Variants in VCAN observed in about 807,000 individuals in gnomAD.
VCAN encodes the protein versican core protein.
VCAN carries 44 observed loss-of-function variants against 245.5 expected under a neutral mutation model. That is an observed-to-expected ratio of 0.18 (90% CI 0.14 to 0.23). The LOEUF is 0.23. VCAN is among the 10% of genes least tolerant of loss of function. The probability of loss-of-function intolerance (pLI) is 1.00; values close to 1 mark genes in which losing one functional copy is unlikely to be tolerated. For synonymous variants in VCAN, 1,413 were observed against 1,437.0 expected (o/e 0.98, Z 0.38); for missense variants, 3,793 against 4,057.9 (o/e 0.93, Z 1.77).
chr5:83,490,345 T>A lies in VCAN; in HGVS notation c.318T>A (p.His106Gln). ...AAGGGAGAGTGTCTGTGCCCACACA[T>A]CCCGAGGCTGTGGGCGATGCCTCCC... ...DYKGRVSVPTHPEAVGDASLT... is the reference protein window; with the variant it reads ...DYKGRVSVPTQPEAVGDASLT... The change falls in exon 3 of 15, where the codon CAT becomes CAA. Residue 106 changes from histidine to glutamine, a missense_variant. By Grantham distance (24) the His-to-Gln change is conservative. Around this residue, in one of 5 missense-constraint regions of VCAN, gnomAD observed 179 missense variants for 169.7 expected, o/e 1.05. Coordinates refer to ENST00000265077, the MANE Select transcript of VCAN (RefSeq NM_004385.5). 4 of 1,614,164 alleles carry A rather than the reference T, an allele frequency of 2.5e-6. No individual in the cohort carries two copies. The highest frequency in any genetic ancestry group is 3.4e-6 in the Non-Finnish European group (4 of 1,180,034).
chr5:83,539,649 A>C lies in VCAN; in HGVS notation c.6646A>C (p.Ile2216Leu), dbSNP rs1061380. 6.2e-7 allele frequency: 1 copy of C among 1,613,988 alleles called. No individual in the cohort carries two copies. ...FLATALVTES[I>L]PAEHVVTDSP... ...AGCTACTGCATTAGTAACTGAATCT[A>C]TACCAGCTGAACATGTAGTCACAGA... The change falls in exon 8 of 15, where the codon ATA becomes CTA. Residue 2216 changes from isoleucine (I) to leucine (L), a missense_variant. Transcript: ENST00000265077.
At chr5:83,473,003 C>T (rs1744249701) in intron 1 of VCAN, among the ~76,000 whole-genome samples, 1 of 152,216 alleles carries the variant, frequency 6.6e-6, no homozygotes, top group Non-Finnish European at 1.5e-5. Flanking sequence ...CTCGCCCAGA[C>T]TACAGGAGTC....
rs188858441 is a variant in VCAN, at chr5:83,536,728, C to T, written c.4004-279C>T. On this transcript the variant is annotated intron_variant, in intron 7 of 14. Coordinates refer to ENST00000265077, the MANE Select transcript of VCAN (RefSeq NM_004385.5). ...TCAAGATTACATTGTATATGTGATT[C>T]CTTGCTTCATTTTAAGGACTATGTT... The T allele has an allele frequency of 1.6e-3, 408 of 252,920 alleles. 1 individual carries two copies. The highest frequency in any genetic ancestry group is 2.4e-3 in the Non-Finnish European group (322 of 132,526). The allele number at this position is 252,920 out of a possible 1,614,324, so 15.7% of individuals were successfully genotyped here.
intron 1 of VCAN, among the ~76,000 whole-genome samples, chr5:83,479,721 T>C (rs1744547626): frequency 6.6e-6 from 1 of 152,154 alleles, no homozygotes; most frequent in Admixed American, 6.6e-5. Context: ...AGACAAAAGA[T>C]GTAACTTAAT....
rs1435960801 is a variant in VCAN at position 83,581,046 on chromosome 5, A to T, written c.*612A>T. The T allele has an allele frequency of 6.2e-6, 1 of 161,010 alleles. No individual in the cohort carries two copies. The highest frequency in any genetic ancestry group is 1.4e-5 in the Non-Finnish European group (1 of 72,756). The allele number at this position is 161,010 out of a possible 1,614,324, so 10.0% of individuals were successfully genotyped here. On this transcript the variant is annotated 3_prime_UTR_variant, in exon 15 of 15. Transcript: ENST00000265077. ...GCAGTTTGCTTCTACATGATGCTAAAGGCTGCGAATGGGATCCTGATGGAA... is the reference window on the plus strand; with the variant it reads ...GCAGTTTGCTTCTACATGATGCTAATGGCTGCGAATGGGATCCTGATGGAA...
At position 83,471,930 on chromosome 5, in the gene VCAN, C is replaced by T; in HGVS notation, c.-100C>T. 2.5e-6 allele frequency: 1 copy of T among 393,172 alleles called. No homozygotes were observed. Among genetic ancestry groups the T allele is most frequent in the Non-Finnish European group, 4.5e-6 (1 of 223,238 alleles). The allele number at this position is 393,172 out of a possible 1,614,324, so 24.4% of individuals were successfully genotyped here. A position where few individuals can be genotyped will look rare whatever the true frequency, so the allele number is the denominator to read the frequency against. ...CTCCGCATCCTTCCCCGGGCCACCA[C>T]GCTTCCTATGTGACCCGCCTGGGCA... is the stretch of plus-strand genomic sequence containing the variant. On this transcript the variant is annotated 5_prime_UTR_variant, in exon 1 of 15. The change creates a new upstream start codon in the 5' untranslated region. Coordinates refer to ENST00000265077, the MANE Select transcript of VCAN (RefSeq NM_004385.5).
intron 3 of VCAN, among the ~76,000 whole-genome samples, chr5:83,492,408 A>C (rs1014980214): frequency 1.3e-5 from 2 of 152,190 alleles, no homozygotes; most frequent in Non-Finnish European, 2.9e-5. Flanking sequence ...TCTTAATAAA[A>C]TCTCATTCAT....
chr5:83,555,366 A>C (rs928079042), intron 12 of VCAN, among the ~76,000 whole-genome samples: 2 of 152,244 alleles, frequency 1.3e-5, no homozygotes, highest in African/African-American at 4.8e-5. Context: ...AAAGAGAAGA[A>C]TAAAATGTAG....
In VCAN at chr5:83,521,280, T is replaced by C. The variant is rs1746087070; in HGVS notation, c.2974T>C (p.Ser992Pro). 1 of 1,613,974 alleles carries C rather than the reference T, an allele frequency of 6.2e-7. No homozygotes were observed. Among genetic ancestry groups the C allele is most frequent in the African/African-American group, 1.3e-5 (1 of 74,922 alleles). The change falls in exon 7 of 15, where the codon TCA becomes CCA. Residue 992 changes from serine to proline, a missense_variant. This residue lies in a region of VCAN where 3,182 missense variants were observed against 3,250.3 expected (regional missense o/e 0.98). Coordinates refer to ENST00000265077, the MANE Select transcript of VCAN (RefSeq NM_004385.5). ...DWGVLVPSVP[S>P]EDEVLGEPSQ... is the part of the protein sequence containing the mutation. ...GGGAGTGTTAGTACCTTCTGTTCCATCAGAAGATGAAGTTCTAGGTGAACC... is the reference window on the plus strand; with the variant it reads ...GGGAGTGTTAGTACCTTCTGTTCCACCAGAAGATGAAGTTCTAGGTGAACC...
chr5:83,543,863 C>T (rs1362624837), intron 8 of VCAN, among the ~76,000 whole-genome samples: 1 of 152,196 alleles, frequency 6.6e-6, no homozygotes, highest in Non-Finnish European at 1.5e-5. Context: ...ATTACCTGGT[C>T]TATCTGTTGC....
At chr5:83,573,786 G>A (rs1449634422) in intron 13 of VCAN, among the ~76,000 whole-genome samples, 1 of 152,070 alleles carries the variant, frequency 6.6e-6, no homozygotes, top group Non-Finnish European at 1.5e-5. Flanking sequence ...TATAACGGTG[G>A]TCATCTGAAA....
In VCAN at chr5:83,520,014, A is replaced by T. The variant is rs545968358; in HGVS notation, c.1708A>T (p.Thr570Ser). The part of the protein sequence containing the change: ...RTLTVGSDES[T>S]LIFDQIPEVI... ...ACTTACAGTTGGATCTGATGAGAGC[A>T]CCTTGATCTTTGACCAAATTCCTGA... is the stretch of plus-strand genomic sequence containing the variant. The change falls in exon 7 of 15, where the codon ACC becomes TCC. Residue 570 changes from threonine to serine, a missense_variant. Transcript: ENST00000265077. 2.5e-6 allele frequency: 4 copies of T among 1,614,098 alleles called. No homozygotes were observed. Among genetic ancestry groups the T allele is most frequent in the Non-Finnish European group, 2.5e-6 (3 of 1,179,970 alleles).
intron 12 of VCAN, among the ~76,000 whole-genome samples, chr5:83,556,067 G>A (rs191839487): frequency 6.6e-6 from 1 of 152,296 alleles, no homozygotes; most frequent in Non-Finnish European, 1.5e-5. Context: ...GCTTTTGGAA[G>A]TTCTGCTCTG....
intron 3 of VCAN, among the ~76,000 whole-genome samples, chr5:83,492,288 C>T (rs1282667252): frequency 6.6e-6 from 1 of 152,174 alleles, no homozygotes; most frequent in African/African-American, 2.4e-5. Flanking sequence ...AGAAGATAAA[C>T]TGTTGTCCAT....
intron 2 of VCAN, among the ~76,000 whole-genome samples, chr5:83,486,517 G>A (rs1318175249): frequency 1.3e-5 from 2 of 152,276 alleles, no homozygotes; most frequent in South Asian, 4.1e-4. Context: ...AAGGACAACA[G>A]CAACCAGTGA....
intron 2 of VCAN, among the ~76,000 whole-genome samples, chr5:83,484,558 T>C (rs1289047230): frequency 6.6e-6 from 1 of 152,138 alleles, no homozygotes; most frequent in Non-Finnish European, 1.5e-5. Flanking sequence ...CATCCATTCA[T>C]CCATCCATTT....
chr5:83,489,811 CT>C (rs11389823), intron 2 of VCAN, among the ~76,000 whole-genome samples: 56,097 of 147,046 alleles, frequency 0.38, 10,726 homozygotes, highest in African/African-American at 0.45. Context: ...TTATGCTTGC[CT>C]TTTTTTTTTT....
intron 13 of VCAN, among the ~76,000 whole-genome samples, chr5:83,575,104 A>G (rs912482281): frequency 6.6e-6 from 1 of 152,212 alleles, no homozygotes; most frequent in Non-Finnish European, 1.5e-5. Context: ...TTTGTCTTTG[A>G]ATACAAAAAT....
At chr5:83,523,383 G>C (rs1746174634) in intron 7 of VCAN, among the ~76,000 whole-genome samples, 1 of 150,464 alleles carries the variant, frequency 6.6e-6, no homozygotes, top group Non-Finnish European at 1.5e-5. Flanking sequence ...TCTTGACCTG[G>C]CTCTGAGAAG....
Sources: gnomAD v4.1 joint callset for allele counts (sites outside exome capture counted in the v4.1 genomes callset) on GRCh38, gnomAD v4.1.1 for gene constraint, gnomAD v4.1.1 regional missense constraint, MANE v1.5 for transcripts, NCBI Gene and HGNC (gene_info 2026-07-23, HGNC 2026-07-21) for gene names.